The following PCDH15 variants were observed in gnomAD, a reference collection of about 807,000 sequenced individuals.
The protein encoded by PCDH15 is protocadherin related 15.
PCDH15 carries 129 observed loss-of-function variants against 178.5 expected under a neutral mutation model. The observed-to-expected ratio is 0.72, with a 90% CI of 0.63 to 0.84. PCDH15 has a LOEUF of 0.84. Ranked by LOEUF, PCDH15 falls within the 40% of genes least tolerant of loss-of-function variation. PCDH15 has a pLI of 0.00. For missense variants in PCDH15, 2,230 were observed against 2,099.9 expected, an observed-to-expected ratio of 1.06 and a Z score of -1.21; for synonymous variants, 800 against 732.0, an observed-to-expected ratio of 1.09 and a Z score of -1.50.
rs9415339 is a variant in PCDH15 at position 54,491,836 on chromosome 10, A to G, written c.157+35976T>C. On this transcript the variant is annotated intron_variant, in intron 3 of 37. Coordinates refer to ENST00000644397, the MANE Select transcript of PCDH15 (RefSeq NM_001384140.1). Reference sequence around the variant, plus strand: ...AGGAATATATGGTAAAAGTTTCCCTATTTGCTCATTACTGATTCATCTGCA... The same window carrying G: ...AGGAATATATGGTAAAAGTTTCCCTGTTTGCTCATTACTGATTCATCTGCA... 3.6e-3 allele frequency among the ~76,000 whole-genome samples: 543 copies of G among 152,224 alleles called. 2 individuals carry two copies. The highest frequency in any genetic ancestry group is 0.012 in the African/African-American group (491 of 41,546).
chr10:54,467,604 T>C, intron 3 of PCDH15, among the ~76,000 whole-genome samples: 1 of 127,862 alleles, frequency 7.8e-6, no homozygotes, highest in African/African-American at 3.4e-5. Context: ...AGCTGTAGTT[T>C]TTTTTTTTTT....
intron 14 of PCDH15, among the ~76,000 whole-genome samples, chr10:54,152,703 T>A (rs914601985): frequency 2.0e-5 from 3 of 152,078 alleles, no homozygotes; most frequent in African/African-American, 7.2e-5. Flanking sequence ...TGTGTGTGTG[T>A]GTCTGTGTGC....
intron 2 of PCDH15, among the ~76,000 whole-genome samples, chr10:55,483,933 G>A (rs1014842646): frequency 6.6e-6 from 1 of 151,608 alleles, no homozygotes; most frequent in Non-Finnish European, 1.5e-5. Flanking sequence ...ACTGGATAAA[G>A]ATGTGGTACA....
chr10:54,147,221 T>C (rs1374816341), intron 14 of PCDH15, among the ~76,000 whole-genome samples: 1 of 151,328 alleles, frequency 6.6e-6, no homozygotes, highest in Non-Finnish European at 1.5e-5. Flanking sequence ...AGAATGGAAG[T>C]ATATGGATTT....
At chr10:55,617,582 TG>T (rs1843505041) in intron 2 of PCDH15, among the ~76,000 whole-genome samples, 1 of 152,024 alleles carries the variant, frequency 6.6e-6, no homozygotes, top group Non-Finnish European at 1.5e-5. Flanking sequence ...GGCAATAAAC[TG>T]CATTTACATT....
chr10:55,192,778 C>T (rs1382379033), intron 1 of PCDH15, among the ~76,000 whole-genome samples: 3 of 151,126 alleles, frequency 2.0e-5, no homozygotes, highest in Non-Finnish European at 4.4e-5. Flanking sequence ...TGCACAAAGA[C>T]ACATAGACAT....
intron 2 of PCDH15, among the ~76,000 whole-genome samples, chr10:55,362,879 T>G (rs1845263688): frequency 6.6e-6 from 1 of 152,176 alleles, no homozygotes; most frequent in Non-Finnish European, 1.5e-5. Context: ...TGTCCAATCT[T>G]TTGGCATCCC....
intron 3 of PCDH15, among the ~76,000 whole-genome samples, chr10:54,818,447 G>C (rs1952982549): frequency 6.6e-6 from 1 of 151,806 alleles, no homozygotes; most frequent in Non-Finnish European, 1.5e-5. Flanking sequence ...CTCTTTCCTT[G>C]AATCTATGCT....
intron 25 of PCDH15, among the ~76,000 whole-genome samples, chr10:53,925,630 G>A (rs116799340): frequency 9.2e-4 from 140 of 152,256 alleles, no homozygotes; most frequent in African/African-American, 3.0e-3. Flanking sequence ...TCATTGCCTC[G>A]ACAGGGAATC....
At chr10:54,963,857 G>T (rs1444721585) in intron 2 of PCDH15, among the ~76,000 whole-genome samples, 2 of 152,134 alleles carry the variant, frequency 1.3e-5, no homozygotes, top group Non-Finnish European at 2.9e-5. Flanking sequence ...AAACAGAAAG[G>T]CAATCACTGT....
At chr10:54,810,431 T>G (rs1952844415) in intron 3 of PCDH15, among the ~76,000 whole-genome samples, 2 of 152,126 alleles carry the variant, frequency 1.3e-5, no homozygotes, top group South Asian at 4.1e-4. Context: ...CTTGCAATAT[T>G]ATGTCTTCCT....
At chr10:54,053,569 T>C (rs1377139966) in intron 18 of PCDH15, among the ~76,000 whole-genome samples, 1 of 152,184 alleles carries the variant, frequency 6.6e-6, no homozygotes. Context: ...TGGAAAAGAT[T>C]ATAGTGGCTA....
intron 1 of PCDH15, among the ~76,000 whole-genome samples, chr10:55,267,786 G>A (rs537301614): frequency 6.6e-6 from 1 of 152,236 alleles, no homozygotes; most frequent in East Asian, 1.9e-4. Context: ...AAAACAAGTT[G>A]GACAATGAAT....
At chr10:55,255,720 T>C (rs1841978628) in intron 1 of PCDH15, among the ~76,000 whole-genome samples, 1 of 152,260 alleles carries the variant, frequency 6.6e-6, no homozygotes, top group African/African-American at 2.4e-5. Context: ...TGAGCATTTC[T>C]TCATGTGTCT....
chr10:55,319,775 T>C (rs993928455), upstream of PCDH15, among the ~76,000 whole-genome samples: 1 of 152,132 alleles, frequency 6.6e-6, no homozygotes, highest in Non-Finnish European at 1.5e-5. Flanking sequence ...CAGGGACAGC[T>C]GCTTAGACAG....
chr10:54,303,947 A>C (rs1414529339), intron 8 of PCDH15, among the ~76,000 whole-genome samples: 1 of 152,090 alleles, frequency 6.6e-6, no homozygotes, highest in Admixed American at 6.6e-5. Flanking sequence ...TGAAAATGTC[A>C]CCTTAAAAGC....
chr10:54,054,081 T>C (rs1222427356), intron 18 of PCDH15, among the ~76,000 whole-genome samples: 1 of 152,128 alleles, frequency 6.6e-6, no homozygotes, highest in East Asian at 1.9e-4. Flanking sequence ...GAAGGAGCCC[T>C]TTCTGGGGAA....
At chr10:54,192,241 G>A (rs947928085) in intron 11 of PCDH15, among the ~76,000 whole-genome samples, 3 of 151,068 alleles carry the variant, frequency 2.0e-5, no homozygotes, top group African/African-American at 7.3e-5. Flanking sequence ...AGGGAGAGAG[G>A]GAGAGAGGAA....
intron 23 of PCDH15, among the ~76,000 whole-genome samples, chr10:53,950,322 AT>A (rs2086913091): frequency 6.6e-6 from 1 of 152,036 alleles, no homozygotes; most frequent in African/African-American, 2.4e-5. Flanking sequence ...TAAATTTTGA[AT>A]TTAGGTTGTT....
Sources: gnomAD v4.1 joint callset for allele counts (sites outside exome capture counted in the v4.1 genomes callset) on GRCh38, gnomAD v4.1.1 for gene constraint, MANE v1.5 for transcripts, NCBI Gene and HGNC (gene_info 2026-07-23, HGNC 2026-07-21) for gene names.